Variants in TGM6 observed in about 807,000 individuals in gnomAD.
TGM6 encodes the protein protein-glutamine gamma-glutamyltransferase 6.
TGM6 carries 74 observed loss-of-function variants against 77.5 expected under a neutral mutation model. That is an observed-to-expected ratio of 0.96 (90% CI 0.79 to 1.16). The LOEUF (loss-of-function observed/expected upper bound fraction) is 1.16, where lower values mean the gene tolerates loss of function less well. Ranked by LOEUF, TGM6 falls within the 50% of genes most tolerant of loss-of-function variation. The pLI, the probability that TGM6 is intolerant of heterozygous loss-of-function variation, is 0.00. For synonymous variants in TGM6, 383 were observed against 378.9 expected (o/e 1.01, Z -0.12); for missense variants, 968 against 940.2 (o/e 1.03, Z -0.39).
At chr20:2,390,167 T>C (rs1052646033) in intron 1 of TGM6, among the ~76,000 whole-genome samples, 1 of 152,234 alleles carries the variant, frequency 6.6e-6, no homozygotes, top group Admixed American at 6.5e-5. Context: ...CCGTGAGCGA[T>C]GAGCCCTTCC....
At chr20:2,388,447 G>T (rs1373928387) in intron 1 of TGM6, among the ~76,000 whole-genome samples, 1 of 152,132 alleles carries the variant, frequency 6.6e-6, no homozygotes, top group Non-Finnish European at 1.5e-5. Context: ...CAACTCAGGA[G>T]GCAGATTCCC....
intron 9 of TGM6, among the ~76,000 whole-genome samples, chr20:2,415,132 C>T (rs982162332): frequency 1.3e-5 from 2 of 152,098 alleles, no homozygotes; most frequent in African/African-American, 4.8e-5. Flanking sequence ...CATTCTTTGG[C>T]AGGGAAATGA....
At chr20:2,395,064 G>T (rs539194680) in intron 2 of TGM6, 130 bp from the exon 3 acceptor site, 38 of 1,450,748 alleles carry the variant, frequency 2.6e-5, no homozygotes, top group African/African-American at 5.6e-5. Flanking sequence ...TCTTTGTCAG[G>T]TCCTTCTCCC....
intron 7 of TGM6, among the ~76,000 whole-genome samples, chr20:2,401,512 A>G (rs984814836): frequency 1.3e-5 from 2 of 152,212 alleles, no homozygotes; most frequent in Non-Finnish European, 2.9e-5. Context: ...AATTCCACGT[A>G]AATACACAGA....
At position 2,396,445 on chromosome 20, in the gene TGM6, C is replaced by T. The variant is rs1453610323; in HGVS notation, c.425-61C>T. The T allele has an allele frequency of 1.0e-5, 16 of 1,552,278 alleles. No homozygotes were observed. The African/African-American group carries it at 1.9e-4, about 18-fold the overall frequency. ...CTGCTGCTGATCCCTGATGCAGCCC[C>T]TTCCCCAGGCCAGCAAGGCCAGAGC... On this transcript the variant is annotated intron_variant, in intron 3 of 12. Transcript: ENST00000202625.
At chr20:2,396,394 GC>G in intron 3 of TGM6, 111 bp from the exon 4 acceptor site, 1 of 1,052,982 alleles carries the variant, frequency 9.5e-7, no homozygotes, top group East Asian at 2.4e-5. Flanking sequence ...GACCTCTCCT[GC>G]CCCAGTCAGC....
chr20:2,413,639 GC>G (rs1006767344), intron 9 of TGM6, among the ~76,000 whole-genome samples: 2 of 152,084 alleles, frequency 1.3e-5, no homozygotes, highest in Admixed American at 1.3e-4. Flanking sequence ...ATCCCCACAT[GC>G]AAAAGAATGA....
chr20:2,422,877 G>T (rs1435225731), intron 10 of TGM6, among the ~76,000 whole-genome samples: 1 of 151,536 alleles, frequency 6.6e-6, no homozygotes, highest in Admixed American at 6.6e-5. Context: ...TTGAGCCCGG[G>T]AGTTCAAGGC....
intron 1 of TGM6, among the ~76,000 whole-genome samples, chr20:2,388,624 C>CAAAAA (rs11442124): frequency 1.4e-5 from 2 of 148,122 alleles, no homozygotes; most frequent in Admixed American, 6.7e-5. Context: ...AACAAACAAA[C>CAAAAA]AAACAAAAAA....
rs567832700 is a variant in TGM6 at position 2,400,321 on chromosome 20, G to T, written c.866G>T (p.Gly289Val). 1.2e-6 allele frequency: 2 copies of T among 1,614,186 alleles called. No homozygotes were observed. Among genetic ancestry groups the T allele is most frequent in the Admixed American group, 1.7e-5 (1 of 60,030 alleles). Reference protein sequence around the residue: ...GVLCTVLRCLGIATRVVSNFN... With the variant: ...GVLCTVLRCLVIATRVVSNFN... The stretch of plus-strand genomic sequence containing the variant: ...TGCTCTGCAGTCCTCAGGTGCTTGG[G>T]GATAGCCACACGGGTCGTGTCCAAC... The change falls in exon 7 of 13, where the codon GGG (glycine) becomes GTG (valine). Residue 289 changes from glycine (G) to valine (V), a missense_variant. Coordinates refer to ENST00000202625, the MANE Select transcript of TGM6 (RefSeq NM_198994.3).
At position 2,394,452 on chromosome 20, in the gene TGM6, G is replaced by A. The variant is rs1274311687; in HGVS notation, c.8G>A (p.Gly3Glu). 1.2e-6 allele frequency: 2 copies of A among 1,611,362 alleles called. No homozygotes were observed. Among genetic ancestry groups the A allele is most frequent in the South Asian group, 2.2e-5 (2 of 90,974 alleles). ...ATCTCCCTGTCCTCTCCCCACCCAG[G>A]GATCAGAGTCACCAAGGTGGACTGG... MA[G>E]IRVTKVDWQR... Residue 3 changes from glycine (G) to glutamate (E), a missense_variant and splice_region_variant, in exon 2 of 13, where the codon GGG becomes GAG. Physicochemically the swap from Gly to Glu is moderately conservative, Grantham distance 98. Transcript: ENST00000202625.
chr20:2,418,471 T>C (rs112369876), intron 10 of TGM6, among the ~76,000 whole-genome samples: 2 of 152,146 alleles, frequency 1.3e-5, no homozygotes, highest in African/African-American at 4.8e-5. Flanking sequence ...ACACAGTCAG[T>C]GTGCATAGTT....
chr20:2,400,470 C>A, intron 7 of TGM6, 26 bp downstream of exon 7: 1 of 1,613,684 alleles, frequency 6.2e-7, no homozygotes. Context: ...AGCCTAGGCC[C>A]GAGGGCTCTG....
chr20:2,406,327 T>C (rs6114060), intron 9 of TGM6, among the ~76,000 whole-genome samples: 66,929 of 151,398 alleles, frequency 0.44, 16,588 homozygotes, highest in African/African-American at 0.67. Flanking sequence ...CCCATCTCTA[T>C]AAAAAATACA....
intron 1 of TGM6, among the ~76,000 whole-genome samples, chr20:2,391,070 C>T (rs547775241): frequency 3.1e-5 from 4 of 127,566 alleles, no homozygotes; most frequent in South Asian, 4.4e-4. Context: ...TTGAGAACAA[C>T]GAGTGATCTT....
At chr20:2,384,749 G>A (rs1276890612) in intron 1 of TGM6, among the ~76,000 whole-genome samples, 4 of 152,216 alleles carry the variant, frequency 2.6e-5, no homozygotes, top group African/African-American at 9.6e-5. Flanking sequence ...CTGAGAAGAC[G>A]ATGAGAGGGA....
At chr20:2,421,996 G>A (rs1214923915) in intron 10 of TGM6, among the ~76,000 whole-genome samples, 1 of 152,148 alleles carries the variant, frequency 6.6e-6, no homozygotes, top group African/African-American at 2.4e-5. Flanking sequence ...GCTGGGCGTG[G>A]TGGTGGGTGC....
chr20:2,431,563 G>T (rs948015542), intron 12 of TGM6, among the ~76,000 whole-genome samples: 7 of 152,190 alleles, frequency 4.6e-5, no homozygotes, highest in African/African-American at 1.7e-4. Context: ...ATGTGTAATT[G>T]TTAGGAACAC....
chr20:2,391,412 G>A (rs1434772288), intron 1 of TGM6, among the ~76,000 whole-genome samples: 1 of 152,066 alleles, frequency 6.6e-6, no homozygotes, highest in African/African-American at 2.4e-5. Flanking sequence ...AAAAGCACAA[G>A]GCAGGAAAGA....
Sources: allele counts gnomAD v4.1 joint callset (sites outside exome capture counted in the v4.1 genomes callset), GRCh38; gene constraint gnomAD v4.1.1; transcripts MANE v1.5; gene names NCBI Gene and HGNC (gene_info 2026-07-23, HGNC 2026-07-21).